The following RABGAP1L variants were observed in gnomAD, a reference collection of about 807,000 sequenced individuals.
RABGAP1L encodes RAB GTPase activating protein 1 like.
In RABGAP1L, 63 loss-of-function variants were observed where a neutral mutation model predicts 137.7. That is an observed-to-expected ratio of 0.46 (90% CI 0.37 to 0.56). The LOEUF (loss-of-function observed/expected upper bound fraction) is 0.56, where lower values mean the gene tolerates loss of function less well. RABGAP1L is among the 20% of genes least tolerant of loss of function. The probability of loss-of-function intolerance (pLI) is 0.00; values close to 1 mark genes in which losing one functional copy is unlikely to be tolerated. For missense variants in RABGAP1L, 1,095 were observed against 1,244.0 expected, an observed-to-expected ratio of 0.88 and a Z score of 1.80; for synonymous variants, 431 against 433.7, an observed-to-expected ratio of 0.99 and a Z score of 0.08.
intron 13 of RABGAP1L, among the ~76,000 whole-genome samples, chr1:174,613,717 C>G (rs1420924367): frequency 1.3e-5 from 2 of 152,166 alleles, no homozygotes; most frequent in African/African-American, 4.8e-5. Context: ...TTACTCAGGA[C>G]TTGCATTATG....
intron 13 of RABGAP1L, among the ~76,000 whole-genome samples, chr1:174,405,995 AAAG>A (rs1267367011): frequency 6.6e-6 from 1 of 152,122 alleles, no homozygotes; most frequent in Admixed American, 6.6e-5. Flanking sequence ...TAAAAGAAAA[AAAG>A]AAAAAAGAAA....
At chr1:174,291,339 T>A (rs1676588105) in intron 10 of RABGAP1L, among the ~76,000 whole-genome samples, 1 of 152,200 alleles carries the variant, frequency 6.6e-6, no homozygotes, top group South Asian at 2.1e-4. Flanking sequence ...GGTATTCTTT[T>A]TATATATCAC....
At chr1:174,955,624 C>T (rs1558278819) in intron 19 of RABGAP1L, among the ~76,000 whole-genome samples, 2 of 152,312 alleles carry the variant, frequency 1.3e-5, no homozygotes, top group East Asian at 3.9e-4. Flanking sequence ...CAACAAGGAA[C>T]AATCTGTTGA....
At chr1:174,244,852 G>A (rs945471458) in intron 5 of RABGAP1L, 1 of 152,174 alleles carries the variant, frequency 6.6e-6, no homozygotes, top group East Asian at 1.9e-4. Flanking sequence ...ATGCAAAGCA[G>A]ATTTTGATGA....
intron 10 of RABGAP1L, among the ~76,000 whole-genome samples, chr1:174,302,194 A>G (rs934376307): frequency 2.0e-5 from 3 of 152,236 alleles, no homozygotes; most frequent in African/African-American, 7.2e-5. Flanking sequence ...GTGGTAGATT[A>G]GGACACAGAA....
intron 7 of RABGAP1L, among the ~76,000 whole-genome samples, chr1:174,263,106 C>T (rs1673740533): frequency 6.6e-6 from 1 of 152,162 alleles, no homozygotes; most frequent in African/African-American, 2.4e-5. Context: ...ACACTGTGTG[C>T]CCCAGGCCTC....
At chr1:174,442,485 A>G (rs1253568348) in intron 13 of RABGAP1L, among the ~76,000 whole-genome samples, 1 of 152,188 alleles carries the variant, frequency 6.6e-6, no homozygotes, top group Non-Finnish European at 1.5e-5. Context: ...TTTGGCAGTA[A>G]CATGGTTTTC....
At chr1:174,688,202 A>T (rs1259900166) in intron 15 of RABGAP1L, among the ~76,000 whole-genome samples, 1 of 152,130 alleles carries the variant, frequency 6.6e-6, no homozygotes, top group East Asian at 1.9e-4. Flanking sequence ...TTAATAAATT[A>T]TGACCTGATT....
At chr1:174,643,856 A>G (rs1470540597) in intron 14 of RABGAP1L, among the ~76,000 whole-genome samples, 7 of 152,076 alleles carry the variant, frequency 4.6e-5, no homozygotes, top group Non-Finnish European at 8.8e-5. Flanking sequence ...CACTAAATAT[A>G]TGCACACACA....
intron 12 of RABGAP1L, among the ~76,000 whole-genome samples, chr1:174,393,126 C>T (rs536465661): frequency 2.7e-4 from 41 of 152,182 alleles, no homozygotes; most frequent in Middle Eastern, 3.4e-3. Flanking sequence ...TTTGTTCTGA[C>T]GCTGCACACC....
At chr1:174,880,310 A>G (rs1003142585) in intron 19 of RABGAP1L, among the ~76,000 whole-genome samples, 13 of 152,214 alleles carry the variant, frequency 8.5e-5, no homozygotes, top group South Asian at 6.2e-4. Flanking sequence ...TGATTTTACA[A>G]TATTCCAACA....
intron 3 of RABGAP1L, among the ~76,000 whole-genome samples, chr1:174,228,400 T>C (rs1261900872): frequency 2.6e-5 from 4 of 152,136 alleles, no homozygotes; most frequent in African/African-American, 9.6e-5. Context: ...TAGTTACACA[T>C]GTTAGACCAC....
chr1:174,552,308 C>G (rs1245647263), intron 13 of RABGAP1L, among the ~76,000 whole-genome samples: 2 of 152,048 alleles, frequency 1.3e-5, no homozygotes, highest in African/African-American at 4.8e-5. Flanking sequence ...TCTTGATTAT[C>G]TCCCTCCTTC....
At chr1:174,406,282 G>A (rs929992060) in intron 13 of RABGAP1L, among the ~76,000 whole-genome samples, 1 of 151,924 alleles carries the variant, frequency 6.6e-6, no homozygotes, top group Admixed American at 6.6e-5. Flanking sequence ...TATACTCTAA[G>A]TATTTTCATG....
At chr1:174,637,617 C>T (rs578027732) in intron 14 of RABGAP1L, 129 bp downstream of exon 14, 126 of 676,610 alleles carry the variant, frequency 1.9e-4, no homozygotes, top group Middle Eastern at 4.1e-4. Context: ...TTTGCACACA[C>T]GCTATGAGAT....
intron 11 of RABGAP1L, among the ~76,000 whole-genome samples, chr1:174,337,826 A>C (rs72713532): frequency 0.35 from 53,545 of 152,054 alleles, 12,082 homozygotes; most frequent in African/African-American, 0.64. Flanking sequence ...TAATTTTATT[A>C]ATTTAAAAAA....
chr1:174,933,185 C>A (rs1664150833), intron 19 of RABGAP1L, among the ~76,000 whole-genome samples: 1 of 152,164 alleles, frequency 6.6e-6, no homozygotes, highest in Non-Finnish European at 1.5e-5. Flanking sequence ...TGTATTTCTT[C>A]AACCCCACAG....
chr1:174,250,785 C>G (rs1357912619), intron 6 of RABGAP1L, among the ~76,000 whole-genome samples, 153 bp downstream of exon 6: 1 of 152,120 alleles, frequency 6.6e-6, no homozygotes, highest in Non-Finnish European at 1.5e-5. Context: ...TTGTGCTTGT[C>G]AGATATTTCT....
At chr1:174,486,181 T>C (rs1259937129) in intron 13 of RABGAP1L, among the ~76,000 whole-genome samples, 1 of 151,736 alleles carries the variant, frequency 6.6e-6, no homozygotes, top group Non-Finnish European at 1.5e-5. Context: ...AGTTGTAATA[T>C]CTCCTTTTTC....
Sources: gnomAD v4.1 joint callset for allele counts (sites outside exome capture counted in the v4.1 genomes callset) on GRCh38, gnomAD v4.1.1 for gene constraint, MANE v1.5 for transcripts, NCBI Gene and HGNC (gene_info 2026-07-23, HGNC 2026-07-21) for gene names.